Variants in PPIL3 observed in about 807,000 individuals in gnomAD.
The protein encoded by PPIL3 is peptidyl-prolyl cis-trans isomerase-like 3.
In PPIL3, 13 loss-of-function variants were observed where a neutral mutation model predicts 20.9. The ratio of observed to expected loss-of-function variants is 0.62; its 90% confidence interval spans 0.40 to 0.99. PPIL3 has a LOEUF of 0.99. Ranked by LOEUF, PPIL3 falls within the 50% of genes least tolerant of loss-of-function variation. PPIL3 has a pLI of 0.00. For synonymous variants in PPIL3, 71 were observed against 64.4 expected (o/e 1.10, Z -0.49); for missense variants, 170 against 195.2 (o/e 0.87, Z 0.77).
intron 6 of PPIL3, among the ~76,000 whole-genome samples, chr2:200,874,439 TAAGTAGAGTCAAGTA>T (rs2039437883): frequency 6.6e-6 from 1 of 152,044 alleles, no homozygotes; most frequent in Non-Finnish European, 1.5e-5. Context: ...CTGAGGCAGT[TAAGTAGAGTCAAGTA>T]TATGGGAAAC....
intron 2 of PPIL3, 78 bp from the exon 3 acceptor site, chr2:200,885,850 T>A (rs2039918603): frequency 1.2e-6 from 1 of 828,046 alleles, no homozygotes; most frequent in South Asian, 1.6e-5. Flanking sequence ...CCTGTGTGGA[T>A]ATTCAAGATG....
At chr2:200,883,417 C>G (rs1317036214) in intron 3 of PPIL3, among the ~76,000 whole-genome samples, 1 of 151,594 alleles carries the variant, frequency 6.6e-6, no homozygotes, top group African/African-American at 2.4e-5. Context: ...TCCCATTATT[C>G]TCTATCTCAA....
chr2:200,874,633 A>G (rs1032202429), intron 6 of PPIL3, among the ~76,000 whole-genome samples: 1 of 152,236 alleles, frequency 6.6e-6, no homozygotes, highest in African/African-American at 2.4e-5. Flanking sequence ...TAACTGAACA[A>G]TAATTTTGAA....
intron 4 of PPIL3, 184 bp from the exon 5 acceptor site, chr2:200,881,672 A>G (rs760012579): frequency 3.7e-6 from 2 of 538,310 alleles, no homozygotes; most frequent in Non-Finnish European, 6.5e-6. Context: ...CCTACAAAAA[A>G]CAAAAAAGAA....
chr2:200,878,058 C>T (rs1337652223), intron 5 of PPIL3, among the ~76,000 whole-genome samples: 2 of 152,168 alleles, frequency 1.3e-5, no homozygotes, highest in African/African-American at 2.4e-5. Context: ...CATAGAGAAG[C>T]ACCTATATCA....
intron 3 of PPIL3, among the ~76,000 whole-genome samples, chr2:200,883,787 G>A (rs1205576144): frequency 6.6e-6 from 1 of 152,142 alleles, no homozygotes; most frequent in Non-Finnish European, 1.5e-5. Flanking sequence ...TTTTGAGACA[G>A]GGTCTTGCTC....
chr2:200,882,425 G>A lies in PPIL3; in HGVS notation c.89C>T (p.Ala30Val), dbSNP rs1435567728. ...ATTGTAGTAATTACTGGCACAAAGAGCCAAGAAATTCTGAAGGGAGTAAAA... is the reference window on the plus strand; with the variant it reads ...ATTGTAGTAATTACTGGCACAAAGAACCAAGAAATTCTGAAGGGAGTAAAA... Reference protein sequence around the residue: ...RTPKTCENFLALCASNYYNGC... With the variant: ...RTPKTCENFLVLCASNYYNGC... The change falls in exon 4 of 7, where the codon GCT becomes GTT. Residue 30 changes from alanine (A) to valine (V), a missense_variant. Coordinates refer to ENST00000392283, the MANE Select transcript of PPIL3 (RefSeq NM_130906.3). The A allele has an allele frequency of 3.1e-6, 5 of 1,594,972 alleles. No individual in the cohort carries two copies. The highest frequency in any genetic ancestry group is 4.3e-6 in the Non-Finnish European group (5 of 1,162,864).
rs773039177 is a variant in PPIL3 at position 200,882,428 on chromosome 2, A to G, written c.86T>C (p.Leu29Ser). 9 of 1,589,984 alleles carry G rather than the reference A, an allele frequency of 5.7e-6. No individual in the cohort carries two copies. Among genetic ancestry groups the G allele is most frequent in the Non-Finnish European group, 7.8e-6 (9 of 1,158,306 alleles). ...ERTPKTCENF[L>S]ALCASNYYNG... ...GTAGTAATTACTGGCACAAAGAGCC[A>G]AGAAATTCTGAAGGGAGTAAAAATG... Residue 29 changes from leucine to serine, a missense_variant, in exon 4 of 7, where the codon TTG becomes TCG. By Grantham distance (145) the Leu-to-Ser change is moderately radical (BLOSUM62 -2). Coordinates refer to ENST00000392283, the MANE Select transcript of PPIL3 (RefSeq NM_130906.3).
intron 6 of PPIL3, among the ~76,000 whole-genome samples, chr2:200,874,067 C>T (rs557220062): frequency 5.2e-4 from 79 of 151,316 alleles, no homozygotes; most frequent in Admixed American, 1.6e-3. Context: ...TAGCCGGGCG[C>T]GGTGGCGGGC....
chr2:200,885,815 G>C, intron 2 of PPIL3, 43 bp from the exon 3 acceptor site: 1 of 1,253,814 alleles, frequency 8.0e-7, no homozygotes, highest in South Asian at 1.3e-5. Context: ...AATTTATTTA[G>C]GTGACTTTAT....
chr2:200,878,731 C>A (rs1005732866), intron 5 of PPIL3, among the ~76,000 whole-genome samples: 1 of 152,106 alleles, frequency 6.6e-6, no homozygotes, highest in Non-Finnish European at 1.5e-5. Context: ...CACATTCTTT[C>A]CTTTTCCTTC....
In PPIL3 at chr2:200,871,427, T is replaced by A. The variant is rs369410002; in HGVS notation, c.454A>T (p.Ile152Leu). The A allele has an allele frequency of 1.2e-6, 2 of 1,611,648 alleles. No homozygotes were observed. Among genetic ancestry groups the A allele is most frequent in the East Asian group, 4.5e-5 (2 of 44,820 alleles). The change falls in exon 7 of 7, where the codon ATA (isoleucine) becomes TTA (leucine). Residue 152 changes from isoleucine to leucine, a missense_variant. Coordinates refer to ENST00000392283, the MANE Select transcript of PPIL3 (RefSeq NM_130906.3). ...GCAAATGGGTTGGCATGAATAGTTA[T>A]GTCCTTAATGTGTACATCATTAAGA... ...RPLNDVHIKD[I>L]TIHANPFAQ
chr2:200,885,165 G>A (rs1371343423), intron 3 of PPIL3: 2 of 171,050 alleles, frequency 1.2e-5, no homozygotes, highest in African/African-American at 4.9e-5. Flanking sequence ...GAGGTTAGAA[G>A]TTTGAGACCA....
chr2:200,875,259 G>C (rs1436508505), intron 6 of PPIL3, among the ~76,000 whole-genome samples: 1 of 151,786 alleles, frequency 6.6e-6, no homozygotes, highest in East Asian at 1.9e-4. Flanking sequence ...ACTAAGTTCT[G>C]GGTCTTCTGG....
intron 6 of PPIL3, among the ~76,000 whole-genome samples, chr2:200,875,718 G>A (rs771674931): frequency 1.6e-4 from 24 of 151,826 alleles, no homozygotes; most frequent in Non-Finnish European, 3.2e-4. Context: ...GATTACAGGT[G>A]TGTGTCACCA....
chr2:200,876,927 T>TA lies in PPIL3; in HGVS notation c.350dup (p.Phe118IlefsTer13). 1.2e-6 allele frequency: 2 copies of TA among 1,600,572 alleles called. No homozygotes were observed. The highest frequency in any genetic ancestry group is 1.7e-4 in the Middle Eastern group (1 of 6,036). ...ATAACCAGAATACTCACTTTCCAAA[T>TA]ACGGTGTATTTCATGTCCAAATGTG... On this transcript the variant is annotated frameshift_variant, in exon 6 of 7. Coordinates refer to ENST00000392283, the MANE Select transcript of PPIL3 (RefSeq NM_130906.3). LOFTEE classifies it high-confidence loss of function.
At chr2:200,880,709 T>C (rs2039693642) in intron 5 of PPIL3, among the ~76,000 whole-genome samples, 2 of 151,972 alleles carry the variant, frequency 1.3e-5, no homozygotes, top group South Asian at 4.2e-4. Flanking sequence ...TTTCTAATCA[T>C]AAAGTTATCA....
chr2:200,880,533 G>A (rs1019681496), intron 5 of PPIL3, among the ~76,000 whole-genome samples: 5 of 151,050 alleles, frequency 3.3e-5, no homozygotes, highest in African/African-American at 7.3e-5. Flanking sequence ...ACAGGCACAC[G>A]CCACTATAAC....
chr2:200,887,790 C>T (rs772818472), intron 1 of PPIL3, 105 bp from the exon 2 acceptor site: 1 of 478,014 alleles, frequency 2.1e-6, no homozygotes, highest in Non-Finnish European at 3.7e-6. Flanking sequence ...GGCGTGGTGG[C>T]TCACGCCTAT....
Sources: allele counts gnomAD v4.1 joint callset (sites outside exome capture counted in the v4.1 genomes callset), GRCh38; gene constraint gnomAD v4.1.1; transcripts MANE v1.5; gene names NCBI Gene and HGNC (gene_info 2026-07-23, HGNC 2026-07-21).